The following PSMG2 variants were observed in gnomAD, a reference collection of about 807,000 sequenced individuals.
PSMG2 encodes the protein CD40 ligand-activated specific transcript 3.
Under a neutral mutation model 31.5 loss-of-function variants are expected in PSMG2, and 21 were observed. The observed-to-expected ratio is 0.67, with a 90% CI of 0.47 to 0.96. PSMG2 has a LOEUF of 0.96. PSMG2 is among the 40% of genes least tolerant of loss of function. The probability of loss-of-function intolerance (pLI) is 0.00; values close to 1 mark genes in which losing one functional copy is unlikely to be tolerated. For synonymous variants in PSMG2, 120 were observed against 110.4 expected (o/e 1.09, Z -0.54); for missense variants, 318 against 321.2 (o/e 0.99, Z 0.08).
At chr18:12,681,913 T>C (rs1475767188) in intron 1 of PSMG2, among the ~76,000 whole-genome samples, 1 of 151,754 alleles carries the variant, frequency 6.6e-6, no homozygotes, top group African/African-American at 2.4e-5. Context: ...GGAGAATCGC[T>C]TGAACCTGGG....
In PSMG2 at chr18:12,668,597, C is replaced by CAAAAAAA. The variant is rs752216074; in HGVS notation, c.-37+9850_-37+9856dup. ...TGGGAGACAGAGTAAGATTCCATCT[C>CAAAAAAA]AAAAAAAAAAAAAAAAAAAAAAAAA... On this transcript the variant is annotated intron_variant, in intron 1 of 6. Transcript: ENST00000585331. Among the ~76,000 whole-genome samples the CAAAAAAA allele has an allele frequency of 3.9e-3, 281 of 72,776 alleles. 10 individuals carry two copies. The highest frequency in any genetic ancestry group is 4.3e-3 in the East Asian group (8 of 1,840). The allele number at this position is 72,776 out of a possible 152,430, so 47.7% of individuals were successfully genotyped here. A position where few individuals can be genotyped will look rare whatever the true frequency, so the allele number is the denominator to read the frequency against.
intron 1 of PSMG2, among the ~76,000 whole-genome samples, chr18:12,671,350 G>A (rs1179958688): frequency 6.6e-6 from 1 of 152,034 alleles, no homozygotes; most frequent in Non-Finnish European, 1.5e-5. Flanking sequence ...AACTTGGATA[G>A]CCAACTGGTA....
intron 3 of PSMG2, among the ~76,000 whole-genome samples, chr18:12,716,009 C>A (rs774977222): frequency 6.6e-6 from 1 of 152,228 alleles, no homozygotes; most frequent in Non-Finnish European, 1.5e-5. Context: ...TATATACTTA[C>A]AGCATCTAGC....
At chr18:12,668,167 A>G (rs2038843563) in intron 1 of PSMG2, among the ~76,000 whole-genome samples, 1 of 152,108 alleles carries the variant, frequency 6.6e-6, no homozygotes, top group African/African-American at 2.4e-5. Context: ...TGGGAGGCTG[A>G]GGCAGGAAAA....
chr18:12,698,420 T>C (rs1319834950), upstream of PSMG2, among the ~76,000 whole-genome samples: 3 of 151,990 alleles, frequency 2.0e-5, no homozygotes, highest in Non-Finnish European at 4.4e-5. Context: ...CCACCTGCCT[T>C]GGCCTCCCAA....
rs116068461 is a variant in PSMG2 at position 12,707,368 on chromosome 18, C to G, written c.229+647C>G. On this transcript the variant is annotated intron_variant, in intron 2 of 6. Transcript: ENST00000317615. The stretch of plus-strand genomic sequence containing the variant: ...TTCTTACTGGTATGTGTAACCATCA[C>G]TAATAATATGGAAAGGCGAAAAGTA... Among the ~76,000 whole-genome samples the G allele has an allele frequency of 2.2e-3, 331 of 152,240 alleles. 2 individuals carry two copies. Among genetic ancestry groups the G allele is most frequent in the African/African-American group, 7.2e-3 (299 of 41,556 alleles).
At chr18:12,680,868 T>C in intron 1 of PSMG2, 7 of 1,546,990 alleles carry the variant, frequency 4.5e-6, no homozygotes, top group Non-Finnish European at 6.2e-6. Flanking sequence ...TTCTTCCATA[T>C]TATTTCCTCA....
chr18:12,725,355 C>T, intron 6 of PSMG2, 84 bp from the exon 7 acceptor site: 1 of 1,129,914 alleles, frequency 8.9e-7, no homozygotes, highest in Non-Finnish European at 1.3e-6. Context: ...AAAAGGAACA[C>T]AAAAGGAGAG....
chr18:12,684,218 C>T (rs1268729186), intron 1 of PSMG2: 1 of 152,092 alleles, frequency 6.6e-6, no homozygotes, highest in Non-Finnish European at 1.5e-5. Flanking sequence ...ATCCGCCCGC[C>T]TCAGCCTCCC....
intron 1 of PSMG2, among the ~76,000 whole-genome samples, chr18:12,693,347 C>A (rs1176489169): frequency 6.6e-6 from 1 of 151,748 alleles, no homozygotes; most frequent in Non-Finnish European, 1.5e-5. Context: ...TTGCTTGAGG[C>A]TGGGAGTCTG....
chr18:12,701,099 A>G, upstream of PSMG2: 1 of 1,612,062 alleles, frequency 6.2e-7, no homozygotes, highest in South Asian at 1.1e-5. Flanking sequence ...CTCTTATTCT[A>G]CCATGGACAT....
intron 1 of PSMG2, among the ~76,000 whole-genome samples, chr18:12,704,430 A>G (rs899808526): frequency 3.3e-5 from 5 of 151,982 alleles, no homozygotes; most frequent in African/African-American, 1.2e-4. Context: ...CTACAAAAAA[A>G]TAAATAAAAA....
At chr18:12,707,287 A>T (rs2040278788) in intron 2 of PSMG2, among the ~76,000 whole-genome samples, 2 of 152,066 alleles carry the variant, frequency 1.3e-5, no homozygotes, top group Admixed American at 1.3e-4. Context: ...GAATTTTTAA[A>T]TTTCCTTGTT....
intron 1 of PSMG2, among the ~76,000 whole-genome samples, chr18:12,659,565 G>A (rs1000018450): frequency 1.3e-4 from 20 of 152,136 alleles, no homozygotes; most frequent in Admixed American, 7.9e-4. Context: ...AGCTACCCGG[G>A]AGGCTGAGGC....
chr18:12,663,141 A>G (rs564652408), intron 1 of PSMG2, among the ~76,000 whole-genome samples: 1 of 152,350 alleles, frequency 6.6e-6, no homozygotes, highest in African/African-American at 2.4e-5. Context: ...AGATAATTCA[A>G]ATACATTTCC....
At chr18:12,700,166 A>C, upstream of PSMG2, 1 of 256,742 alleles carries the variant, frequency 3.9e-6, no homozygotes, top group African/African-American at 2.2e-5. Flanking sequence ...CTAAAAACAA[A>C]TCCTTAATAC....
upstream of PSMG2, chr18:12,702,990 G>A (rs1400691098): frequency 6.8e-6 from 8 of 1,168,150 alleles, no homozygotes; most frequent in Non-Finnish European, 9.4e-6. Context: ...CGGCGCCCAG[G>A]GACTCAAAGG....
chr18:12,683,186 CA>C (rs765652085), intron 1 of PSMG2, among the ~76,000 whole-genome samples: 81 of 63,678 alleles, frequency 1.3e-3, no homozygotes, highest in East Asian at 3.0e-3. Flanking sequence ...CTAAAAATAC[CA>C]AAAAAAAAAA....
At chr18:12,674,464 TAAAA>T (rs1332546252) in intron 1 of PSMG2, 3 of 1,116,996 alleles carry the variant, frequency 2.7e-6, no homozygotes, top group Non-Finnish European at 3.8e-6. Flanking sequence ...AAAAGGAAAT[TAAAA>T]AAACCCCTGC....
Sources: allele counts gnomAD v4.1 joint callset (sites outside exome capture counted in the v4.1 genomes callset), GRCh38; gene constraint gnomAD v4.1.1; transcripts MANE v1.5; gene names NCBI Gene and HGNC (gene_info 2026-07-23, HGNC 2026-07-21).